The following ATXN1 variants were observed in gnomAD, a reference collection of about 807,000 sequenced individuals.
The protein encoded by ATXN1 is ataxin-1.
Under a neutral mutation model 56.4 loss-of-function variants are expected in ATXN1, and 8 were observed. The observed-to-expected ratio is 0.14, with a 90% CI of 0.08 to 0.26. The LOEUF (loss-of-function observed/expected upper bound fraction) is 0.26, where lower values mean the gene tolerates loss of function less well. ATXN1 is among the 10% of genes least tolerant of loss of function. ATXN1 has a pLI of 1.00. For synonymous variants in ATXN1, 514 were observed against 494.6 expected (o/e 1.04, Z -0.52); for missense variants, 987 against 1,106.5 (o/e 0.89, Z 1.53).
chr6:16,413,346 T>G (rs1341619231), intron 6 of ATXN1, among the ~76,000 whole-genome samples: 1 of 117,180 alleles, frequency 8.5e-6, no homozygotes, highest in Non-Finnish European at 1.9e-5. Flanking sequence ...ACTGTTTTTG[T>G]TTTTTTTTTA....
rs548636482 is a variant in ATXN1 at position 16,385,815 on chromosome 6, G to C, written c.-160-57345C>G. ...ACTACTTTGCCTTTGTGAAAGAAGAGAAATAGCTTGCAACTTATTCAAAGA... is the reference window on the plus strand; with the variant it reads ...ACTACTTTGCCTTTGTGAAAGAAGACAAATAGCTTGCAACTTATTCAAAGA... On this transcript the variant is annotated intron_variant, in intron 6 of 7. Coordinates refer to ENST00000436367, the MANE Select transcript of ATXN1 (RefSeq NM_001128164.2). Among the ~76,000 whole-genome samples, 37 of 152,322 alleles carry C rather than the reference G, an allele frequency of 2.4e-4. No individual in the cohort carries two copies. The South Asian group carries it at 7.0e-3, about 29-fold the overall frequency.
Position 16,628,930 on chromosome 6 carries a change from C to T in ATXN1, c.-489+28846G>A, listed in dbSNP as rs149760827. On this transcript the variant is annotated intron_variant, in intron 3 of 7. Coordinates refer to ENST00000436367, the MANE Select transcript of ATXN1 (RefSeq NM_001128164.2). The stretch of plus-strand genomic sequence containing the variant: ...TGAATAGTGCTGCAATGAACATTTG[C>T]GTGCATGTGTCTAAATTTATGGTAG... Among the ~76,000 whole-genome samples, 9 of 152,226 alleles carry T rather than the reference C, an allele frequency of 5.9e-5. No individual in the cohort carries two copies. The East Asian group carries it at 1.5e-3, about 26-fold the overall frequency.
At chr6:16,538,710 T>TA (rs1205742153) in intron 4 of ATXN1, among the ~76,000 whole-genome samples, 1 of 151,748 alleles carries the variant, frequency 6.6e-6, no homozygotes, top group Admixed American at 6.6e-5. Context: ...GCGATTGAGA[T>TA]AGTCTCGCTC....
chr6:16,713,698 C>T (rs1021215426), intron 2 of ATXN1, among the ~76,000 whole-genome samples: 19 of 152,222 alleles, frequency 1.2e-4, no homozygotes, highest in African/African-American at 4.6e-4. Context: ...CTGGGGCCAG[C>T]AGCATCAGTT....
chr6:16,430,151 G>C (rs1759249190), intron 6 of ATXN1, among the ~76,000 whole-genome samples: 1 of 152,082 alleles, frequency 6.6e-6, no homozygotes, highest in Admixed American at 6.5e-5. Flanking sequence ...CCTTAGACAA[G>C]TGTTGGAGGG....
chr6:16,307,534 C>T (rs891839231), intron 7 of ATXN1, among the ~76,000 whole-genome samples: 4 of 151,890 alleles, frequency 2.6e-5, no homozygotes, highest in African/African-American at 7.3e-5. Context: ...ATTAGCCATG[C>T]GTGGTGGCGG....
chr6:16,404,657 CCCA>C (rs1194943733), intron 6 of ATXN1, among the ~76,000 whole-genome samples: 1 of 152,236 alleles, frequency 6.6e-6, no homozygotes, highest in Non-Finnish European at 1.5e-5. Context: ...GTCCCCAGCC[CCCA>C]CCACATGTGC....
At chr6:16,347,605 ACT>A (rs1447726256) in intron 6 of ATXN1, among the ~76,000 whole-genome samples, 3 of 152,102 alleles carry the variant, frequency 2.0e-5, no homozygotes, top group Non-Finnish European at 4.4e-5. Flanking sequence ...ACCAATCCAC[ACT>A]CTGTATCTAG....
chr6:16,495,156 T>C (rs539264646), intron 5 of ATXN1, among the ~76,000 whole-genome samples: 1 of 152,360 alleles, frequency 6.6e-6, no homozygotes, highest in East Asian at 1.9e-4. Flanking sequence ...AAGATGCTAA[T>C]GTGTGCAGTC....
Position 16,328,001 on chromosome 6 carries a change from C to A in ATXN1, c.310G>T (p.Ala104Ser). 6.2e-7 allele frequency: 1 copy of A among 1,613,498 alleles called. No homozygotes were observed. The highest frequency in any genetic ancestry group is 8.5e-7 in the Non-Finnish European group (1 of 1,179,706). Reference sequence around the variant, plus strand: ...CCTGGCTGCGGGGTGGCGTACGCGGCAGGCAGCGTGGTGGCCACGGGGACA... The same window carrying A: ...CCTGGCTGCGGGGTGGCGTACGCGGAAGGCAGCGTGGTGGCCACGGGGACA... ...RSVPVATTLP[A>S]AYATPQPGTP... Residue 104 changes from alanine (A) to serine (S), a missense_variant, in exon 7 of 8, where the codon GCC (alanine) becomes TCC (serine). Ala to Ser is a moderately conservative substitution (Grantham distance 99, BLOSUM62 1). This residue lies in a region of ATXN1 where 723 missense variants were observed against 791.7 expected (regional missense o/e 0.91). Coordinates refer to ENST00000436367, the MANE Select transcript of ATXN1 (RefSeq NM_001128164.2). The surrounding 1 kb of genome is among the most constrained non-coding windows in gnomAD (Gnocchi z 6.2).
intron 6 of ATXN1, among the ~76,000 whole-genome samples, chr6:16,453,295 C>T (rs1285453725): frequency 6.6e-6 from 1 of 152,000 alleles, no homozygotes; most frequent in African/African-American, 2.4e-5. Context: ...CCCGTCTCTA[C>T]TAAAAATACA....
chr6:16,655,396 C>G (rs1287467387), intron 3 of ATXN1, among the ~76,000 whole-genome samples: 1 of 152,038 alleles, frequency 6.6e-6, no homozygotes, highest in Non-Finnish European at 1.5e-5. Flanking sequence ...GTGGCGCGTG[C>G]CTGTAGTCTC....
At chr6:16,463,294 T>A (rs1318655152) in intron 6 of ATXN1, among the ~76,000 whole-genome samples, 1 of 152,224 alleles carries the variant, frequency 6.6e-6, no homozygotes, top group Non-Finnish European at 1.5e-5. Flanking sequence ...GACAGGCACC[T>A]GTACCTTAGT....
chr6:16,739,530 T>C, intron 2 of ATXN1: 1 of 236,156 alleles, frequency 4.2e-6, no homozygotes, highest in Non-Finnish European at 9.0e-6. Flanking sequence ...GCCTTTTTTC[T>C]AGTGTATTTG....
Position 16,755,997 on chromosome 6 carries a change from A to G in ATXN1, c.-729-2650T>C, listed in dbSNP as rs192963565. Reference sequence around the variant, plus strand: ...TATAATGCTTGTTGCTTTTTTGTCCATAATTGTTCTCTCTAAACGTGTTTT... The same window carrying G: ...TATAATGCTTGTTGCTTTTTTGTCCGTAATTGTTCTCTCTAAACGTGTTTT... On this transcript the variant is annotated intron_variant, in intron 1 of 7. Transcript: ENST00000436367. 2.1e-3 allele frequency among the ~76,000 whole-genome samples: 320 copies of G among 152,274 alleles called. 1 individual carries two copies. Among genetic ancestry groups the G allele is most frequent in the Non-Finnish European group, 3.6e-3 (243 of 67,990 alleles).
At chr6:16,701,922 T>C (rs1036363976) in intron 2 of ATXN1, among the ~76,000 whole-genome samples, 2 of 152,180 alleles carry the variant, frequency 1.3e-5, no homozygotes, top group African/African-American at 2.4e-5. Context: ...AGGTAATTTA[T>C]AGATTCAATG....
intron 3 of ATXN1, among the ~76,000 whole-genome samples, chr6:16,641,086 A>G (rs1004438968): frequency 3.3e-5 from 5 of 152,248 alleles, no homozygotes; most frequent in South Asian, 2.1e-4. Context: ...CTTCACTTCT[A>G]TGAAGGCTGA....
chr6:16,714,186 CACACACACA>C (rs1759589761), intron 2 of ATXN1, among the ~76,000 whole-genome samples: 141 of 76,356 alleles, frequency 1.8e-3, no homozygotes, highest in African/African-American at 6.1e-3. Flanking sequence ...ACACACCACA[CACACACACA>C]CACACACACA....
Position 16,366,533 on chromosome 6 carries a change from C to A in ATXN1, c.-160-38063G>T, listed in dbSNP as rs562325735. 6.0e-4 allele frequency among the ~76,000 whole-genome samples: 92 copies of A among 152,230 alleles called. 1 individual carries two copies. Among genetic ancestry groups the A allele is most frequent in the African/African-American group, 2.1e-3 (89 of 41,538 alleles). On this transcript the variant is annotated intron_variant, in intron 6 of 7. Transcript: ENST00000436367. Reference sequence around the variant, plus strand: ...CGGTGGCTCATGCCTGTAATCCCAGCACTTTGGGAGGCCGAGGCAGGTGGA... The same window carrying A: ...CGGTGGCTCATGCCTGTAATCCCAGAACTTTGGGAGGCCGAGGCAGGTGGA...
Sources: gnomAD v4.1 joint callset for allele counts (sites outside exome capture counted in the v4.1 genomes callset) on GRCh38, gnomAD v4.1.1 for gene constraint, gnomAD v4.1.1 regional missense constraint, Gnocchi (gnomAD v3.1) non-coding constraint, MANE v1.5 for transcripts, NCBI Gene and HGNC (gene_info 2026-07-23, HGNC 2026-07-21) for gene names.